The following SMYD4 variants were observed in gnomAD, a reference collection of about 807,000 sequenced individuals.
SMYD4 encodes the protein SET and MYND domain containing 4.
SMYD4 carries 68 observed loss-of-function variants against 72.8 expected under a neutral mutation model. The observed-to-expected ratio is 0.93, with a 90% CI of 0.77 to 1.14. The LOEUF is 1.14. SMYD4 is among the 50% of genes most tolerant of loss of function. The pLI is 0.00. For synonymous variants in SMYD4, 407 were observed against 388.6 expected (o/e 1.05, Z -0.56); for missense variants, 984 against 1,003.7 (o/e 0.98, Z 0.27).
At chr17:1,811,885 C>T in intron 3 of SMYD4, 86 bp downstream of exon 3, 3 of 1,455,378 alleles carry the variant, frequency 2.1e-6, no homozygotes, top group South Asian at 1.3e-5. Flanking sequence ...TGAGATTATA[C>T]CACTGTACTC....
At chr17:1,827,325 C>G (rs1386975706) in intron 2 of SMYD4, among the ~76,000 whole-genome samples, 1 of 145,208 alleles carries the variant, frequency 6.9e-6, no homozygotes, top group Non-Finnish European at 1.5e-5. Flanking sequence ...GGTGACAGAG[C>G]GAGACAGTCT....
intron 5 of SMYD4, among the ~76,000 whole-genome samples, chr17:1,792,720 A>C (rs980871646): frequency 1.3e-5 from 2 of 152,104 alleles, no homozygotes; most frequent in Non-Finnish European, 2.9e-5. Context: ...ATTACTAGAG[A>C]GGTTAGAGAG....
intron 5 of SMYD4, among the ~76,000 whole-genome samples, chr17:1,794,098 TA>T (rs1473387265): frequency 1.7e-4 from 4 of 23,168 alleles, no homozygotes; most frequent in South Asian, 1.1e-3. Flanking sequence ...TATATATATA[TA>T]TATATATTTT....
At chr17:1,782,983 A>G (rs1908445035) in intron 10 of SMYD4, 52 bp downstream of exon 10, 1 of 1,566,758 alleles carries the variant, frequency 6.4e-7, no homozygotes. Context: ...AATACCCAGA[A>G]GAGCCTAGGA....
intron 2 of SMYD4, among the ~76,000 whole-genome samples, chr17:1,827,367 G>GAAAAAAAA: frequency 6.8e-6 from 1 of 148,084 alleles, no homozygotes; most frequent in South Asian, 2.1e-4. Context: ...AAAAAAAAAA[G>GAAAAAAAA]AAAAACAAAT....
intron 10 of SMYD4, 158 bp downstream of exon 10, chr17:1,782,877 C>T (rs1908438585): frequency 5.0e-6 from 6 of 1,189,094 alleles, no homozygotes; most frequent in South Asian, 3.5e-5. Flanking sequence ...AATTCTAAAG[C>T]GTTATGTTTG....
intron 4 of SMYD4, among the ~76,000 whole-genome samples, chr17:1,801,754 A>G (rs1909772907): frequency 6.6e-6 from 1 of 151,426 alleles, no homozygotes; most frequent in Non-Finnish European, 1.5e-5. Context: ...AGGCGAGCAG[A>G]TCACGAGGTC....
At chr17:1,785,792 A>G (rs533408682) in intron 7 of SMYD4, among the ~76,000 whole-genome samples, 9 of 149,392 alleles carry the variant, frequency 6.0e-5, no homozygotes, top group African/African-American at 1.7e-4. Flanking sequence ...AAAAAAAACT[A>G]ATAGAAAAAG....
At position 1,800,343 on chromosome 17, in the gene SMYD4, C is replaced by A. The variant is rs200129775; in HGVS notation, c.1051G>T (p.Ala351Ser). Residue 351 changes from alanine (A) to serine (S), a missense_variant, in exon 5 of 11, where the codon GCC becomes TCC. Ala to Ser is a moderately conservative substitution (Grantham distance 99). Coordinates refer to ENST00000305513, the MANE Select transcript of SMYD4 (RefSeq NM_052928.3). ...LLTLGVFCHI[A>S]LRLTLLVGFE... ...CCCACCAAAAGAGTCAACCTCAGGGCAATGTGGCAAAAGACACCCAGTGTG... is the reference window on the plus strand; with the variant it reads ...CCCACCAAAAGAGTCAACCTCAGGGAAATGTGGCAAAAGACACCCAGTGTG... The A allele has an allele frequency of 7.4e-6, 12 of 1,614,130 alleles. No individual in the cohort carries two copies. In the South Asian group the frequency reaches 1.3e-4, roughly 18 times the overall value.
intron 3 of SMYD4, among the ~76,000 whole-genome samples, chr17:1,804,949 G>C (rs549050756): frequency 6.6e-6 from 1 of 152,246 alleles, no homozygotes; most frequent in South Asian, 2.1e-4. Flanking sequence ...AAACAATACT[G>C]AAGGTGGATA....
intron 2 of SMYD4, among the ~76,000 whole-genome samples, chr17:1,813,181 C>T (rs536315621): frequency 7.0e-4 from 106 of 152,316 alleles, no homozygotes; most frequent in Non-Finnish European, 1.3e-3. Context: ...TCAAGTGATC[C>T]GCCTGCCTGG....
chr17:1,824,019 C>G (rs1485265578), intron 2 of SMYD4, among the ~76,000 whole-genome samples: 1 of 152,152 alleles, frequency 6.6e-6, no homozygotes, highest in East Asian at 1.9e-4. Flanking sequence ...GTTTCTGTTA[C>G]TTGAAACTGA....
intron 5 of SMYD4, among the ~76,000 whole-genome samples, chr17:1,794,081 G>GTATATATATA (rs1226883815): frequency 2.4e-3 from 41 of 17,066 alleles, no homozygotes; most frequent in Admixed American, 5.5e-3. Flanking sequence ...ATATATATGT[G>GTATATATATA]TATATATATA....
At chr17:1,796,600 C>A (rs563134895) in intron 5 of SMYD4, among the ~76,000 whole-genome samples, 1 of 152,080 alleles carries the variant, frequency 6.6e-6, no homozygotes, top group East Asian at 1.9e-4. Context: ...CCATGCCCAG[C>A]TAATTTTTGT....
chr17:1,827,277 G>C (rs145361119), intron 2 of SMYD4, among the ~76,000 whole-genome samples: 3,451 of 151,250 alleles, frequency 0.023, 46 homozygotes, highest in Non-Finnish European at 0.035. Context: ...GGGAGGCGGA[G>C]GCAGTGGGCT....
At chr17:1,785,392 C>T (rs1315353392) in intron 7 of SMYD4, among the ~76,000 whole-genome samples, 7 of 144,404 alleles carry the variant, frequency 4.8e-5, no homozygotes, top group Admixed American at 1.4e-4. Context: ...CACCACTGCA[C>T]TCCAGCCTGG....
chr17:1,788,671 T>C (rs1251213290), intron 5 of SMYD4, among the ~76,000 whole-genome samples: 1 of 151,544 alleles, frequency 6.6e-6, no homozygotes, highest in Non-Finnish European at 1.5e-5. Flanking sequence ...CTTGAACCCC[T>C]GAGGACGTTG....
At chr17:1,792,840 C>T (rs904302363) in intron 5 of SMYD4, among the ~76,000 whole-genome samples, 2 of 152,056 alleles carry the variant, frequency 1.3e-5, no homozygotes, top group African/African-American at 2.4e-5. Context: ...CTTAAGTGTA[C>T]GATTCAGTGC....
chr17:1,794,644 G>T (rs1456516466), intron 5 of SMYD4, among the ~76,000 whole-genome samples: 1 of 151,024 alleles, frequency 6.6e-6, no homozygotes, highest in Non-Finnish European at 1.5e-5. Context: ...AATCCTTTTT[G>T]GGGGGCTGTC....
Sources: gnomAD v4.1 joint callset for allele counts (sites outside exome capture counted in the v4.1 genomes callset) on GRCh38, gnomAD v4.1.1 for gene constraint, MANE v1.5 for transcripts, NCBI Gene and HGNC (gene_info 2026-07-23, HGNC 2026-07-21) for gene names.